The following MKLN1 variants were observed in gnomAD, a reference collection of about 807,000 sequenced individuals.
MKLN1 encodes the protein muskelin 1, also known as muskelin.
Under a neutral mutation model 99.0 loss-of-function variants are expected in MKLN1, and 18 were observed. The observed-to-expected ratio is 0.18, with a 90% CI of 0.13 to 0.27. The LOEUF (loss-of-function observed/expected upper bound fraction) is 0.27. Ranked by LOEUF, MKLN1 falls within the 10% of genes least tolerant of loss-of-function variation. The pLI, the probability that MKLN1 is intolerant of heterozygous loss-of-function variation, is 1.00. For synonymous variants in MKLN1, 288 were observed against 293.2 expected (o/e 0.98, Z 0.18); for missense variants, 621 against 875.9 (o/e 0.71, Z 3.67).
chr7:131,410,902 T>G (rs1302386106), intron 6 of MKLN1, among the ~76,000 whole-genome samples: 7 of 152,210 alleles, frequency 4.6e-5, no homozygotes, highest in Non-Finnish European at 1.0e-4. Context: ...GCTTCTATTT[T>G]GCAGCCTTAA....
chr7:131,251,458 G>A (rs1225375724), intron 3 of MKLN1, among the ~76,000 whole-genome samples: 1 of 152,030 alleles, frequency 6.6e-6, no homozygotes, highest in Non-Finnish European at 1.5e-5. Flanking sequence ...CTAGTCTTTG[G>A]GAAGTGACTG....
chr7:131,341,502 A>G (rs1799406663), intron 1 of MKLN1, among the ~76,000 whole-genome samples: 1 of 152,200 alleles, frequency 6.6e-6, no homozygotes, highest in African/African-American at 2.4e-5. Context: ...ATATTGTATC[A>G]TGTATCAGTA....
At chr7:131,203,281 G>A (rs1796757982) in intron 3 of MKLN1, among the ~76,000 whole-genome samples, 1 of 152,068 alleles carries the variant, frequency 6.6e-6, no homozygotes, top group Non-Finnish European at 1.5e-5. Context: ...AATAATAATT[G>A]AATTTAAATT....
chr7:131,213,785 A>G (rs10954308), intron 3 of MKLN1, among the ~76,000 whole-genome samples: 70,070 of 152,064 alleles, frequency 0.46, 16,337 homozygotes, highest in East Asian at 0.69. Flanking sequence ...GCCAATTTAT[A>G]GGTATGAAAT....
At chr7:131,339,164 A>G (rs1032840829) in intron 1 of MKLN1, among the ~76,000 whole-genome samples, 4 of 152,210 alleles carry the variant, frequency 2.6e-5, no homozygotes, top group African/African-American at 9.6e-5. Context: ...ATGGGAGTCA[A>G]AAGTCATACA....
At chr7:131,223,146 G>C (rs1382615108) in intron 3 of MKLN1, among the ~76,000 whole-genome samples, 2 of 152,192 alleles carry the variant, frequency 1.3e-5, no homozygotes, top group Non-Finnish European at 2.9e-5. Flanking sequence ...GGGATCTGTT[G>C]CCAATCTGGG....
intron 6 of MKLN1, among the ~76,000 whole-genome samples, chr7:131,403,724 C>T (rs1479389418): frequency 6.6e-6 from 1 of 152,158 alleles, no homozygotes; most frequent in Non-Finnish European, 1.5e-5. Context: ...AATGGGGGAA[C>T]TGCTGGTTTA....
chr7:131,384,599 A>T (rs1793951471), intron 2 of MKLN1, among the ~76,000 whole-genome samples: 1 of 152,206 alleles, frequency 6.6e-6, no homozygotes, highest in African/African-American at 2.4e-5. Context: ...TGTTGTTTTA[A>T]AGCCATCGAT....
At chr7:131,265,329 T>G (rs994577341) in intron 3 of MKLN1, among the ~76,000 whole-genome samples, 4 of 152,202 alleles carry the variant, frequency 2.6e-5, no homozygotes, top group Non-Finnish European at 5.9e-5. Context: ...AACAGTATAG[T>G]CATCCATCCT....
At chr7:131,410,709 T>C (rs1456008013) in intron 6 of MKLN1, among the ~76,000 whole-genome samples, 1 of 152,158 alleles carries the variant, frequency 6.6e-6, no homozygotes, top group Non-Finnish European at 1.5e-5. Flanking sequence ...AATTTCATAG[T>C]TGAAATAAAG....
intron 3 of MKLN1, among the ~76,000 whole-genome samples, chr7:131,227,495 C>CTCCT (rs796728086): frequency 8.6e-6 from 1 of 115,710 alleles, no homozygotes; most frequent in Non-Finnish European, 1.7e-5. Context: ...CTCTTTCTTT[C>CTCCT]TCTTTCTTTC....
chr7:131,187,690 A>C (rs1351477575), intron 2 of MKLN1, among the ~76,000 whole-genome samples: 1 of 152,102 alleles, frequency 6.6e-6, no homozygotes, highest in African/African-American at 2.4e-5. Context: ...GCACTTTGGG[A>C]CGCTGAGATG....
At chr7:131,135,459 G>C (rs1021579275) in intron 1 of MKLN1, among the ~76,000 whole-genome samples, 2 of 152,188 alleles carry the variant, frequency 1.3e-5, no homozygotes, top group African/African-American at 4.8e-5. Flanking sequence ...GGACGCATCA[G>C]AGTGAGAAAT....
rs1381864534 is a variant in MKLN1 at position 131,496,615 on chromosome 7, T to C, written c.*8887T>C. 2.0e-5 allele frequency: 3 copies of C among 151,346 alleles called. No homozygotes were observed. The highest frequency in any genetic ancestry group is 1.3e-4 in the Admixed American group (2 of 15,272). The allele number at this position is 151,346 out of a possible 1,614,324, so 9.4% of individuals were successfully genotyped here. A position where few individuals can be genotyped will look rare whatever the true frequency, so the allele number is the denominator to read the frequency against. On this transcript the variant is annotated 3_prime_UTR_variant, in exon 18 of 18. Coordinates refer to ENST00000352689, the MANE Select transcript of MKLN1 (RefSeq NM_013255.5). ...TATTTTGTTCATTTTCTTAATAAAA[T>C]GTTATATATGGATGCTACAAGATAT...
At chr7:131,114,824 C>T (rs1795250183) in intron 1 of MKLN1, among the ~76,000 whole-genome samples, 5 of 151,908 alleles carry the variant, frequency 3.3e-5, no homozygotes, top group Admixed American at 3.3e-4. Context: ...GTAGTCCCAG[C>T]TACTCAGGAG....
At chr7:131,149,246 G>T (rs1563231695) in intron 2 of MKLN1, among the ~76,000 whole-genome samples, 2 of 152,102 alleles carry the variant, frequency 1.3e-5, no homozygotes, top group Non-Finnish European at 2.9e-5. Context: ...AGGAGAGCTG[G>T]TTTAGTCATG....
chr7:131,307,022 C>T (rs1179715969), intron 3 of MKLN1, among the ~76,000 whole-genome samples: 2 of 152,054 alleles, frequency 1.3e-5, no homozygotes, highest in African/African-American at 4.8e-5. Flanking sequence ...GACATGGCAC[C>T]CTGCATCCCA....
At chr7:131,329,663 A>G (rs1799012508) in intron 1 of MKLN1, among the ~76,000 whole-genome samples, 1 of 152,206 alleles carries the variant, frequency 6.6e-6, no homozygotes, top group Non-Finnish European at 1.5e-5. Context: ...GGCTTGGATA[A>G]CACAAGTACC....
intron 3 of MKLN1, among the ~76,000 whole-genome samples, chr7:131,224,946 A>ATG (rs1184885017): frequency 2.0e-5 from 3 of 150,750 alleles, no homozygotes; most frequent in Non-Finnish European, 4.4e-5. Context: ...GGTGGCAGGC[A>ATG]CCTGTAGTCC....
Sources: allele counts gnomAD v4.1 joint callset (sites outside exome capture counted in the v4.1 genomes callset), GRCh38; gene constraint gnomAD v4.1.1; transcripts MANE v1.5; gene names NCBI Gene and HGNC (gene_info 2026-07-23, HGNC 2026-07-21).